PRKCH: variants seen among roughly 807,000 people sequenced by gnomAD.
The protein encoded by PRKCH is protein kinase C eta, also known as protein kinase C eta type.
A neutral mutation model predicts 82.5 loss-of-function variants in PRKCH; 28 were observed. The ratio of observed to expected loss-of-function variants is 0.34; its 90% CI spans 0.25 to 0.47. The LOEUF (loss-of-function observed/expected upper bound fraction) is 0.47, where lower values mean the gene tolerates loss of function less well. Among genes scored for constraint, PRKCH ranks in the 20% least tolerant of loss-of-function variants. The probability of loss-of-function intolerance (pLI) is 1.00; values close to 1 mark genes in which losing one functional copy is unlikely to be tolerated. For missense variants in PRKCH, 705 were observed against 881.8 expected, an observed-to-expected ratio of 0.80 and a Z score of 2.54; for synonymous variants, 322 against 327.4, an observed-to-expected ratio of 0.98 and a Z score of 0.18.
chr14:61,536,317 G>A (rs920961931), intron 12 of PRKCH, among the ~76,000 whole-genome samples: 4 of 152,180 alleles, frequency 2.6e-5, no homozygotes, highest in Non-Finnish European at 4.4e-5. Context: ...CCCCAAAGAA[G>A]CATTTTTAAC....
chr14:61,223,349 C>T (rs1258217217), intron 1 of PRKCH, among the ~76,000 whole-genome samples: 1 of 152,174 alleles, frequency 6.6e-6, no homozygotes, highest in Non-Finnish European at 1.5e-5. Context: ...AAAGGTTTGA[C>T]TTTTGGTTTG....
chr14:61,383,268 T>C (rs1313813500), intron 1 of PRKCH, among the ~76,000 whole-genome samples: 2 of 152,152 alleles, frequency 1.3e-5, no homozygotes, highest in African/African-American at 2.4e-5. Flanking sequence ...CCTATTTTTA[T>C]AGGTGAGGAA....
At chr14:61,341,408 C>G (rs1311953569) in intron 1 of PRKCH, among the ~76,000 whole-genome samples, 1 of 152,206 alleles carries the variant, frequency 6.6e-6, no homozygotes, top group Non-Finnish European at 1.5e-5. Flanking sequence ...AAATATGTCA[C>G]TCTCCATGTA....
At chr14:61,471,384 T>C (rs897249196) in intron 9 of PRKCH, among the ~76,000 whole-genome samples, 3 of 152,228 alleles carry the variant, frequency 2.0e-5, no homozygotes, top group Non-Finnish European at 2.9e-5. Flanking sequence ...AGCTCATAGA[T>C]ACAGGATCTG....
intron 1 of PRKCH, among the ~76,000 whole-genome samples, chr14:61,237,662 T>A (rs920411925): frequency 6.6e-6 from 1 of 152,228 alleles, no homozygotes; most frequent in East Asian, 1.9e-4. Flanking sequence ...GGAAAATCTT[T>A]GAATCCACCT....
At chr14:61,281,413 C>A (rs913365126) in intron 1 of PRKCH, 5 of 315,076 alleles carry the variant, frequency 1.6e-5, no homozygotes, top group Admixed American at 5.1e-5. Flanking sequence ...GCACCTCGCC[C>A]GCCCCTTCCG....
chr14:61,429,898 A>T (rs560732929), intron 2 of PRKCH, among the ~76,000 whole-genome samples: 1 of 152,284 alleles, frequency 6.6e-6, no homozygotes, highest in Non-Finnish European at 1.5e-5. Context: ...GGGATTTTGT[A>T]GGTTTTAGTC....
chr14:61,369,091 A>C (rs544010052), intron 1 of PRKCH, among the ~76,000 whole-genome samples: 1 of 152,248 alleles, frequency 6.6e-6, no homozygotes, highest in African/African-American at 2.4e-5. Context: ...TGGTATGCAA[A>C]ATACACCATT....
At chr14:61,354,950 A>C (rs1193929554) in intron 1 of PRKCH, among the ~76,000 whole-genome samples, 1 of 152,270 alleles carries the variant, frequency 6.6e-6, no homozygotes, top group Non-Finnish European at 1.5e-5. Flanking sequence ...ACAGAAATTC[A>C]AATGAGTACT....
chr14:61,540,475 T>C (rs2043168982), intron 12 of PRKCH, among the ~76,000 whole-genome samples: 1 of 152,210 alleles, frequency 6.6e-6, no homozygotes, highest in Admixed American at 6.5e-5. Flanking sequence ...GTTCAAATCC[T>C]GACTGTAGCA....
chr14:61,496,487 C>T (rs1319363077), intron 10 of PRKCH, among the ~76,000 whole-genome samples: 2 of 152,194 alleles, frequency 1.3e-5, no homozygotes, highest in Non-Finnish European at 2.9e-5. Flanking sequence ...TGCCAAGCTT[C>T]CAGCTACCAA....
chr14:61,262,089 TGGG>T (rs1295017353), intron 1 of PRKCH, among the ~76,000 whole-genome samples: 2 of 151,574 alleles, frequency 1.3e-5, no homozygotes, highest in Non-Finnish European at 2.9e-5. Flanking sequence ...GGCGTAGTGG[TGGG>T]CACCTTTAAT....
chr14:61,358,248 A>G (rs1490794388), intron 1 of PRKCH, among the ~76,000 whole-genome samples: 3 of 152,284 alleles, frequency 2.0e-5, no homozygotes, highest in Non-Finnish European at 1.5e-5. Flanking sequence ...ATTGTAATGC[A>G]TTTGTACAGT....
chr14:61,256,948 C>T (rs2045002797), intron 1 of PRKCH, among the ~76,000 whole-genome samples: 1 of 152,182 alleles, frequency 6.6e-6, no homozygotes, highest in Non-Finnish European at 1.5e-5. Context: ...CAGATTCCTT[C>T]ACTGTGTTTA....
At chr14:61,422,971 T>A (rs537018568) in intron 2 of PRKCH, among the ~76,000 whole-genome samples, 2 of 152,374 alleles carry the variant, frequency 1.3e-5, no homozygotes, top group East Asian at 1.9e-4. Context: ...AATATCCATA[T>A]TTCTTAAGAA....
chr14:61,309,474 A>G (rs959604052), intron 1 of PRKCH, among the ~76,000 whole-genome samples: 27 of 152,184 alleles, frequency 1.8e-4, no homozygotes, highest in Non-Finnish European at 2.6e-4. Context: ...CATTAATACA[A>G]TGCTGCAGGG....
At chr14:61,500,852 G>T (rs1439887435) in intron 10 of PRKCH, among the ~76,000 whole-genome samples, 9 of 152,098 alleles carry the variant, frequency 5.9e-5, no homozygotes, top group Admixed American at 5.9e-4. Flanking sequence ...CTTTGGGTAT[G>T]TCAAAATAGA....
intron 1 of PRKCH, among the ~76,000 whole-genome samples, chr14:61,193,309 AAC>A (rs2044419504): frequency 6.6e-6 from 1 of 152,236 alleles, no homozygotes; most frequent in Non-Finnish European, 1.5e-5. Flanking sequence ...GCAAGAATGT[AAC>A]AGATTTACAT....
intron 1 of PRKCH, among the ~76,000 whole-genome samples, chr14:61,276,645 C>G (rs990683268): frequency 5.3e-5 from 8 of 151,902 alleles, no homozygotes; most frequent in Admixed American, 5.2e-4. Context: ...CATGAGCCAC[C>G]GCACCTGGCC....
Sources: allele counts gnomAD v4.1 joint callset (sites outside exome capture counted in the v4.1 genomes callset), GRCh38; gene constraint gnomAD v4.1.1; transcripts MANE v1.5; gene names NCBI Gene and HGNC (gene_info 2026-07-23, HGNC 2026-07-21).